CNTN4: variants seen among roughly 807,000 people sequenced by gnomAD.
CNTN4 encodes contactin-4.
A neutral mutation model predicts 122.5 loss-of-function variants in CNTN4; 77 were observed. The observed-to-expected ratio is 0.63, with a 90% confidence interval of 0.52 to 0.76. The LOEUF is 0.76. Ranked by LOEUF, CNTN4 falls within the 30% of genes least tolerant of loss-of-function variation. CNTN4 has a pLI of 0.00. For missense variants in CNTN4, 1,256 were observed against 1,259.1 expected (o/e 1.00, Z 0.04); for synonymous variants, 512 against 447.0 (o/e 1.15, Z -1.83).
intron 4 of CNTN4, among the ~76,000 whole-genome samples, chr3:2,665,595 G>A (rs1028702766): frequency 6.6e-6 from 1 of 152,056 alleles, no homozygotes; most frequent in African/African-American, 2.4e-5. Flanking sequence ...AGAAACCTGG[G>A]TGAAAAAATT....
chr3:2,477,819 C>T (rs1310430236), intron 3 of CNTN4, among the ~76,000 whole-genome samples: 4 of 152,044 alleles, frequency 2.6e-5, no homozygotes, highest in African/African-American at 4.8e-5. Context: ...ATGAGCTGTG[C>T]GAAAATGCTG....
intron 2 of CNTN4, among the ~76,000 whole-genome samples, chr3:2,258,638 CT>C (rs1169740549): frequency 1.3e-5 from 2 of 152,176 alleles, no homozygotes; most frequent in East Asian, 3.9e-4. Flanking sequence ...TGGCTCTGAA[CT>C]TCCTGAATTG....
intron 2 of CNTN4, among the ~76,000 whole-genome samples, chr3:2,174,892 T>G (rs1251361938): frequency 6.6e-6 from 1 of 151,936 alleles, no homozygotes; most frequent in Non-Finnish European, 1.5e-5. Flanking sequence ...TTCAAACAAC[T>G]GTATATGGAC....
At chr3:2,862,650 CA>C (rs1193064270) in intron 7 of CNTN4, among the ~76,000 whole-genome samples, 4 of 152,142 alleles carry the variant, frequency 2.6e-5, no homozygotes, top group Non-Finnish European at 5.9e-5. Context: ...GAAAACTTAT[CA>C]AAAGAAATCT....
chr3:2,104,594 A>C (rs1321587574), intron 2 of CNTN4, among the ~76,000 whole-genome samples: 1 of 152,118 alleles, frequency 6.6e-6, no homozygotes, highest in Non-Finnish European at 1.5e-5. Context: ...AATCCAGAGA[A>C]GTCTTATTGG....
chr3:2,899,163 C>G (rs192964903), intron 10 of CNTN4, among the ~76,000 whole-genome samples: 1 of 152,272 alleles, frequency 6.6e-6, no homozygotes, highest in Admixed American at 6.5e-5. Flanking sequence ...AGCATTTATT[C>G]AAGGGCCTAG....
At chr3:2,743,463 C>G (rs900388730) in intron 5 of CNTN4, among the ~76,000 whole-genome samples, 1 of 152,110 alleles carries the variant, frequency 6.6e-6, no homozygotes, top group African/African-American at 2.4e-5. Context: ...AAAGAGGTAC[C>G]TCATGTTTCT....
At chr3:2,832,988 G>C (rs1378038194) in intron 7 of CNTN4, among the ~76,000 whole-genome samples, 1 of 152,150 alleles carries the variant, frequency 6.6e-6, no homozygotes, top group Non-Finnish European at 1.5e-5. Flanking sequence ...ACACTATCAT[G>C]ATGACTTGAG....
chr3:2,756,157 G>T lies in CNTN4; in HGVS notation c.358+10460G>T, dbSNP rs552392711. Among the ~76,000 whole-genome samples, 5 of 152,286 alleles carry T rather than the reference G, an allele frequency of 3.3e-5. No homozygotes were observed. In the East Asian group the frequency reaches 9.7e-4, roughly 29 times the overall value. ...TACATATATTTTCACTTGTGGTTAAGTCAGAATCTAATTGACTAACTATAG... is the reference window on the plus strand; with the variant it reads ...TACATATATTTTCACTTGTGGTTAATTCAGAATCTAATTGACTAACTATAG... On this transcript the variant is annotated intron_variant, in intron 6 of 24. Coordinates refer to ENST00000418658, the MANE Select transcript of CNTN4 (RefSeq NM_175607.3).
At position 2,887,196 on chromosome 3, in the gene CNTN4, T is replaced by C; in HGVS notation, c.912T>C (p.Asn304=). Reference sequence around the variant, plus strand: ...TAGCTGAAAATTCCAGAGGGAAAAATGTAGCAAGGGGACAGCTAACTTTCT... The same window carrying C: ...TAGCTGAAAATTCCAGAGGGAAAAACGTAGCAAGGGGACAGCTAACTTTCT... ...ECVAENSRGK[N]VARGQLTFYA... is the part of the protein sequence containing the mutation. Residue 304 remains asparagine, a synonymous_variant, in exon 10 of 25, where the codon AAT becomes AAC. Transcript: ENST00000418658. 1 of 1,613,784 alleles carries C rather than the reference T, an allele frequency of 6.2e-7. No homozygotes were observed.
chr3:2,715,969 T>C (rs1294211586), intron 4 of CNTN4, among the ~76,000 whole-genome samples: 1 of 152,188 alleles, frequency 6.6e-6, no homozygotes, highest in Non-Finnish European at 1.5e-5. Context: ...TTTTATTTGT[T>C]TATTTCTTTT....
intron 2 of CNTN4, among the ~76,000 whole-genome samples, chr3:2,308,872 C>T (rs1322295249): frequency 6.6e-6 from 1 of 151,888 alleles, no homozygotes; most frequent in East Asian, 1.9e-4. Flanking sequence ...AAAATATAGT[C>T]TGTAGATCTT....
chr3:2,426,130 A>C (rs1279107030), intron 3 of CNTN4, among the ~76,000 whole-genome samples: 1 of 152,180 alleles, frequency 6.6e-6, no homozygotes, highest in Non-Finnish European at 1.5e-5. Flanking sequence ...GAGAGAGGGC[A>C]TCCCTGTCTT....
At chr3:2,493,678 T>C (rs1003790416) in intron 3 of CNTN4, among the ~76,000 whole-genome samples, 2 of 152,134 alleles carry the variant, frequency 1.3e-5, no homozygotes, top group Non-Finnish European at 2.9e-5. Flanking sequence ...CCAATTTTAT[T>C]TTGGGCAACC....
At chr3:2,574,049 T>A (rs919698852) in intron 4 of CNTN4, among the ~76,000 whole-genome samples, 1 of 152,102 alleles carries the variant, frequency 6.6e-6, no homozygotes, top group Non-Finnish European at 1.5e-5. Context: ...AAGCCCCGTC[T>A]CTACTAAAAA....
At chr3:2,434,233 CATAT>C (rs2151225612) in intron 3 of CNTN4, among the ~76,000 whole-genome samples, 1 of 152,230 alleles carries the variant, frequency 6.6e-6, no homozygotes, top group African/African-American at 2.4e-5. Context: ...ATATTGTAAA[CATAT>C]TTGATAACTT....
intron 13 of CNTN4, among the ~76,000 whole-genome samples, chr3:2,981,180 C>A (rs1693934831): frequency 6.6e-6 from 1 of 152,092 alleles, no homozygotes. Flanking sequence ...CGCGGTGGCT[C>A]ACGCCTGTAG....
At chr3:2,111,416 A>C (rs1031096363) in intron 2 of CNTN4, among the ~76,000 whole-genome samples, 1 of 152,174 alleles carries the variant, frequency 6.6e-6, no homozygotes, top group African/African-American at 2.4e-5. Flanking sequence ...TAGGTTTCTT[A>C]TAATGTGGCT....
intron 2 of CNTN4, among the ~76,000 whole-genome samples, chr3:2,294,997 G>A (rs1429184696): frequency 1.3e-5 from 2 of 152,048 alleles, no homozygotes; most frequent in East Asian, 1.9e-4. Flanking sequence ...TCCCTACAAA[G>A]GACATGAACT....
Sources: gnomAD v4.1 joint callset for allele counts (sites outside exome capture counted in the v4.1 genomes callset) on GRCh38, gnomAD v4.1.1 for gene constraint, MANE v1.5 for transcripts, NCBI Gene and HGNC (gene_info 2026-07-23, HGNC 2026-07-21) for gene names.